FYB2: variants seen among roughly 807,000 people sequenced by gnomAD.
FYB2 encodes the protein FYN binding protein 2.
A neutral mutation model predicts 94.1 loss-of-function variants in FYB2; 103 were observed. That is an observed-to-expected ratio of 1.09 (90% confidence interval 0.93 to 1.29). FYB2 has a LOEUF of 1.29. FYB2 is among the 50% of genes most tolerant of loss of function. The pLI is 0.00. For missense variants in FYB2, 896 were observed against 841.5 expected (o/e 1.06, Z -0.80); for synonymous variants, 293 against 287.9 (o/e 1.02, Z -0.18).
At chr1:56,793,138 C>T (rs1646313449) in intron 1 of FYB2, among the ~76,000 whole-genome samples, 1 of 152,134 alleles carries the variant, frequency 6.6e-6, no homozygotes, top group African/African-American at 2.4e-5. Flanking sequence ...GATGGCTCCC[C>T]ACAACCTATA....
intron 5 of FYB2, among the ~76,000 whole-genome samples, chr1:56,766,420 AC>A (rs1645623780): frequency 6.6e-6 from 1 of 150,724 alleles, no homozygotes; most frequent in African/African-American, 2.4e-5. Context: ...TAGTTCTCCA[AC>A]CCCTTATTTC....
At chr1:56,739,379 G>C (rs1191411733) in intron 13 of FYB2, among the ~76,000 whole-genome samples, 1 of 151,890 alleles carries the variant, frequency 6.6e-6, no homozygotes, top group Admixed American at 6.6e-5. Context: ...TTCCATATCA[G>C]GACTACAATT....
At chr1:56,757,296 A>T (rs116403473) in intron 6 of FYB2, among the ~76,000 whole-genome samples, 4 of 152,076 alleles carry the variant, frequency 2.6e-5, no homozygotes, top group Non-Finnish European at 5.9e-5. Context: ...ATAATCATTC[A>T]TATTTTTCTA....
intron 5 of FYB2, among the ~76,000 whole-genome samples, chr1:56,759,383 C>T (rs1427854419): frequency 2.6e-5 from 4 of 152,072 alleles, no homozygotes; most frequent in Admixed American, 6.6e-5. Context: ...CAAACCTAGA[C>T]GGTATAGCCT....
rs149560965 is a variant in FYB2, at chr1:56,735,405, A to G, written c.1793+1682T>C. On this transcript the variant is annotated intron_variant, in intron 15 of 19. Transcript: ENST00000343433. Reference sequence around the variant, plus strand: ...TTCTCACTCATATATGAAAGCTAAGAAAGGTTGCTGTCATAGAAATAAAGA... The same window carrying G: ...TTCTCACTCATATATGAAAGCTAAGGAAGGTTGCTGTCATAGAAATAAAGA... Among the ~76,000 whole-genome samples the G allele has an allele frequency of 2.8e-3, 422 of 152,274 alleles. 1 individual carries two copies. The highest frequency in any genetic ancestry group is 9.7e-3 in the African/African-American group (402 of 41,564).
chr1:56,722,665 A>G (rs916893818), intron 17 of FYB2, among the ~76,000 whole-genome samples: 1 of 152,030 alleles, frequency 6.6e-6, no homozygotes, highest in Non-Finnish European at 1.5e-5. Context: ...GGTTCATTCG[A>G]GGGACAGAAC....
At chr1:56,798,899 A>T (rs1646460208) in intron 1 of FYB2, among the ~76,000 whole-genome samples, 1 of 152,226 alleles carries the variant, frequency 6.6e-6, no homozygotes, top group African/African-American at 2.4e-5. Context: ...CCTCTAACCC[A>T]AGAATTTGCT....
intron 5 of FYB2, among the ~76,000 whole-genome samples, chr1:56,760,316 C>T (rs189038326): frequency 1.3e-5 from 2 of 152,210 alleles, no homozygotes; most frequent in African/African-American, 2.4e-5. Flanking sequence ...CAATATGTTG[C>T]ATTTCCAAGC....
chr1:56,825,526 G>A, the FYB2 span, among the ~76,000 whole-genome samples: 7 of 152,098 alleles, frequency 4.6e-5, no homozygotes, highest in South Asian at 4.1e-4. Context: ...GATACACAGC[G>A]GGGAACAAAA....
intron 4 of FYB2, among the ~76,000 whole-genome samples, chr1:56,770,598 G>A (rs1570086884): frequency 6.6e-6 from 1 of 152,028 alleles, no homozygotes; most frequent in Non-Finnish European, 1.5e-5. Flanking sequence ...CCTCAAGGAT[G>A]GCTTAACATC....
chr1:56,736,769 C>T (rs1644839402), intron 15 of FYB2, among the ~76,000 whole-genome samples: 1 of 152,090 alleles, frequency 6.6e-6, no homozygotes, highest in Admixed American at 6.6e-5. Context: ...CGTTCTGTCA[C>T]ATAGTGCTTG....
In FYB2 at chr1:56,787,155, A is replaced by G. The variant is rs1461900619; in HGVS notation, c.953+20T>C. 1.3e-5 allele frequency: 21 copies of G among 1,613,814 alleles called. No individual in the cohort carries two copies. The highest frequency in any genetic ancestry group is 1.7e-5 in the Non-Finnish European group (20 of 1,179,752). On this transcript the variant is annotated intron_variant, in intron 4 of 19. Coordinates refer to ENST00000343433, the MANE Select transcript of FYB2 (RefSeq NM_001004303.5). ...CTGTGGTGGGCTACGTTCCTACACA[A>G]CTAAGGAGCATGTACTTACCTCTCT...
chr1:56,785,869 C>A (rs1235262314), intron 4 of FYB2, among the ~76,000 whole-genome samples: 5 of 152,172 alleles, frequency 3.3e-5, no homozygotes, highest in Non-Finnish European at 5.9e-5. Flanking sequence ...TTCCTGCATC[C>A]CTGCTTTTTG....
At chr1:56,771,783 T>C (rs535290679) in intron 4 of FYB2, among the ~76,000 whole-genome samples, 2 of 152,322 alleles carry the variant, frequency 1.3e-5, no homozygotes, top group African/African-American at 2.4e-5. Flanking sequence ...ATTTTTCATT[T>C]ATATGTGTAT....
chr1:56,815,161 T>C (rs1183257298), intron 1 of FYB2, among the ~76,000 whole-genome samples: 1 of 152,074 alleles, frequency 6.6e-6, no homozygotes, highest in African/African-American at 2.4e-5. Context: ...CTGCCAACTA[T>C]CCCCAACTAT....
chr1:56,744,403 T>A, intron 9 of FYB2, 137 bp from the exon 10 acceptor site: 2 of 645,126 alleles, frequency 3.1e-6, no homozygotes, highest in Non-Finnish European at 5.4e-6. Context: ...AGTCTTGGTA[T>A]GTATGATCCT....
At chr1:56,799,367 T>C (rs374767917) in intron 1 of FYB2, among the ~76,000 whole-genome samples, 2 of 152,168 alleles carry the variant, frequency 1.3e-5, no homozygotes, top group South Asian at 4.1e-4. Flanking sequence ...CACATTTACT[T>C]TAGAGATTAT....
At chr1:56,764,117 AT>A (rs150015724) in intron 5 of FYB2, among the ~76,000 whole-genome samples, 32,989 of 151,466 alleles carry the variant, frequency 0.22, 4,028 homozygotes, top group African/African-American at 0.34. Context: ...CACCCAGCTA[AT>A]TTTTTTTGTA....
At chr1:56,820,793 G>A (rs1646982328), upstream of FYB2, among the ~76,000 whole-genome samples, 1 of 152,204 alleles carries the variant, frequency 6.6e-6, no homozygotes, top group Non-Finnish European at 1.5e-5. Flanking sequence ...ATGACTCACA[G>A]TAAGATGTAC....
Sources: gnomAD v4.1 joint callset for allele counts (sites outside exome capture counted in the v4.1 genomes callset) on GRCh38, gnomAD v4.1.1 for gene constraint, MANE v1.5 for transcripts, NCBI Gene and HGNC (gene_info 2026-07-23, HGNC 2026-07-21) for gene names.